Variants in NELL1 observed in about 807,000 individuals in gnomAD.
NELL1 encodes neural EGFL like 1, also known as protein kinase C-binding protein NELL1.
A neutral mutation model predicts 107.4 loss-of-function variants in NELL1; 76 were observed. That is an observed-to-expected ratio of 0.71 (90% CI 0.59 to 0.86). NELL1 has a LOEUF of 0.86. Among genes scored for constraint, NELL1 ranks in the 40% least tolerant of loss-of-function variants. NELL1 has a pLI of 0.00. For synonymous variants in NELL1, 353 were observed against 341.2 expected (o/e 1.03, Z -0.38); for missense variants, 1,024 against 1,005.5 (o/e 1.02, Z -0.25).
intron 14 of NELL1, among the ~76,000 whole-genome samples, chr11:21,366,586 T>G (rs778714721): frequency 2.6e-5 from 4 of 152,052 alleles, no homozygotes; most frequent in Non-Finnish European, 4.4e-5. Context: ...CAAACCATCC[T>G]TCTGCCTCTT....
chr11:21,025,531 AT>A (rs1174006942), intron 12 of NELL1, among the ~76,000 whole-genome samples: 1 of 151,646 alleles, frequency 6.6e-6, no homozygotes, highest in East Asian at 1.9e-4. Context: ...GGAAGTTTAC[AT>A]TATGTATATA....
intron 10 of NELL1, among the ~76,000 whole-genome samples, chr11:20,943,271 T>C (rs1850894404): frequency 6.6e-6 from 1 of 152,170 alleles, no homozygotes; most frequent in South Asian, 2.1e-4. Context: ...CTTGAGCACT[T>C]ATTATCTTCC....
chr11:21,091,596 C>T (rs1191143872), intron 12 of NELL1, among the ~76,000 whole-genome samples: 1 of 152,140 alleles, frequency 6.6e-6, no homozygotes, highest in African/African-American at 2.4e-5. Context: ...AACATATTCA[C>T]CATACGTCTT....
chr11:21,051,012 A>G (rs1200359614), intron 12 of NELL1, among the ~76,000 whole-genome samples: 1 of 152,102 alleles, frequency 6.6e-6, no homozygotes, highest in Non-Finnish European at 1.5e-5. Context: ...TGGACTCTGC[A>G]CCCAATGCTC....
intron 3 of NELL1, among the ~76,000 whole-genome samples, chr11:20,841,183 G>A (rs956490786): frequency 1.3e-5 from 2 of 152,132 alleles, no homozygotes; most frequent in African/African-American, 4.8e-5. Context: ...TATAGACCCA[G>A]ACTTTTTCCA....
chr11:20,930,327 G>C (rs75634437), intron 9 of NELL1, among the ~76,000 whole-genome samples: 5,389 of 152,154 alleles, frequency 0.035, 254 homozygotes, highest in East Asian at 0.15. Flanking sequence ...AGGTTGTATT[G>C]TGTGGGCAAT....
intron 14 of NELL1, among the ~76,000 whole-genome samples, chr11:21,273,501 T>G (rs1848785629): frequency 6.6e-6 from 1 of 152,258 alleles, no homozygotes; most frequent in South Asian, 2.1e-4. Flanking sequence ...CCAGGAGAAC[T>G]TCCCCAATCT....
chr11:21,390,465 TGAG>T (rs1280494103), intron 15 of NELL1, among the ~76,000 whole-genome samples: 2 of 150,926 alleles, frequency 1.3e-5, no homozygotes, highest in Admixed American at 1.3e-4. Flanking sequence ...CCATGGAAGA[TGAG>T]GAGTTCTTTT....
intron 5 of NELL1, among the ~76,000 whole-genome samples, chr11:20,907,431 AAAG>A (rs1315552975): frequency 6.6e-6 from 1 of 152,138 alleles, no homozygotes; most frequent in African/African-American, 2.4e-5. Flanking sequence ...ACATTTCTCC[AAAG>A]AAGATATACA....
rs572440999 is a variant in NELL1, at chr11:21,152,917, A to G, written c.1426+39203A>G. Reference sequence around the variant, plus strand: ...TGTTTTCCTGTTTTTCTGCATTTACATTGACTTTCTCACAGAAGAGTCTGA... The same window carrying G: ...TGTTTTCCTGTTTTTCTGCATTTACGTTGACTTTCTCACAGAAGAGTCTGA... On this transcript the variant is annotated intron_variant, in intron 13 of 19. Coordinates refer to ENST00000357134, the MANE Select transcript of NELL1 (RefSeq NM_006157.5). Among the ~76,000 whole-genome samples the G allele has an allele frequency of 1.4e-3, 208 of 152,236 alleles. 2 individuals carry two copies. The highest frequency in any genetic ancestry group is 4.8e-3 in the African/African-American group (198 of 41,542).
chr11:21,493,310 A>C (rs897212442), intron 15 of NELL1, among the ~76,000 whole-genome samples: 1 of 152,168 alleles, frequency 6.6e-6, no homozygotes, highest in African/African-American at 2.4e-5. Flanking sequence ...AACTATTCAC[A>C]ATAGCAAAGA....
At chr11:20,994,305 A>G (rs551008070) in intron 12 of NELL1, among the ~76,000 whole-genome samples, 2 of 152,346 alleles carry the variant, frequency 1.3e-5, no homozygotes, top group East Asian at 3.9e-4. Flanking sequence ...AAACATGAAG[A>G]TTCTCTGAGC....
chr11:20,673,404 A>AT (rs1853969762), intron 1 of NELL1, among the ~76,000 whole-genome samples: 1 of 152,118 alleles, frequency 6.6e-6, no homozygotes. Context: ...CTCTTGGAGC[A>AT]TTTTTTTAGT....
chr11:21,078,759 G>A (rs1284556629), intron 12 of NELL1, among the ~76,000 whole-genome samples: 3 of 152,076 alleles, frequency 2.0e-5, no homozygotes, highest in Non-Finnish European at 4.4e-5. Context: ...AGATTTAGGT[G>A]TTGAAAATCT....
At chr11:21,395,488 G>A (rs1851960857) in intron 15 of NELL1, among the ~76,000 whole-genome samples, 1 of 151,480 alleles carries the variant, frequency 6.6e-6, no homozygotes, top group Non-Finnish European at 1.5e-5. Flanking sequence ...CACATGGAAA[G>A]AAAGTCCTGT....
At chr11:20,943,221 G>A (rs1467872726) in intron 10 of NELL1, among the ~76,000 whole-genome samples, 1 of 151,992 alleles carries the variant, frequency 6.6e-6, no homozygotes, top group Non-Finnish European at 1.5e-5. Context: ...TAATTACTTT[G>A]TATACAAGAA....
chr11:20,869,036 A>G (rs1197419781), intron 4 of NELL1, among the ~76,000 whole-genome samples: 1 of 152,236 alleles, frequency 6.6e-6, no homozygotes, highest in Non-Finnish European at 1.5e-5. Flanking sequence ...CCAAGGGTCC[A>G]GCGGTTGGAA....
chr11:21,401,238 C>T (rs1852090838), intron 15 of NELL1, among the ~76,000 whole-genome samples: 1 of 151,776 alleles, frequency 6.6e-6, no homozygotes, highest in South Asian at 2.1e-4. Context: ...AGTTCTTCAG[C>T]CTAAGTTCCT....
At chr11:20,873,449 A>T (rs1366995) in intron 4 of NELL1, among the ~76,000 whole-genome samples, 4,890 of 152,344 alleles carry the variant, frequency 0.032, 106 homozygotes, top group Non-Finnish European at 0.051. Context: ...CTTTTAGATT[A>T]TTCTGTGAAG....
Sources: allele counts gnomAD v4.1 joint callset (sites outside exome capture counted in the v4.1 genomes callset), GRCh38; gene constraint gnomAD v4.1.1; transcripts MANE v1.5; gene names NCBI Gene and HGNC (gene_info 2026-07-23, HGNC 2026-07-21).